The following TCF7L2 variants were observed in gnomAD, a reference collection of about 807,000 sequenced individuals.
The protein encoded by TCF7L2 is transcription factor 7 like 2, also known as transcription factor 7-like 2.
TCF7L2 carries 23 observed loss-of-function variants against 77.9 expected under a neutral mutation model. The ratio of observed to expected loss-of-function variants is 0.30; its 90% CI spans 0.21 to 0.42. The LOEUF is 0.42. TCF7L2 is among the 10% of genes least tolerant of loss of function. The probability of loss-of-function intolerance (pLI) is 1.00; values close to 1 mark genes in which losing one functional copy is unlikely to be tolerated. For synonymous variants in TCF7L2, 413 were observed against 340.2 expected (o/e 1.21, Z -2.36); for missense variants, 654 against 793.1 (o/e 0.82, Z 2.11).
chr10:113,142,405 G>C (rs2068538573), intron 6 of TCF7L2, among the ~76,000 whole-genome samples: 1 of 152,232 alleles, frequency 6.6e-6, no homozygotes, highest in South Asian at 2.1e-4. Context: ...CAGGCAGGCA[G>C]CCCCAGCAGC....
chr10:113,092,067 G>A (rs1028199058), intron 5 of TCF7L2, among the ~76,000 whole-genome samples: 1 of 152,198 alleles, frequency 6.6e-6, no homozygotes, highest in Non-Finnish European at 1.5e-5. Flanking sequence ...GCGGCAGGAG[G>A]TAGATAAAGG....
intron 5 of TCF7L2, among the ~76,000 whole-genome samples, chr10:113,096,511 AGT>A (rs996994658): frequency 6.6e-5 from 10 of 152,080 alleles, no homozygotes; most frequent in Non-Finnish European, 1.3e-4. Context: ...ACACCCATCC[AGT>A]GTTCTCTGTC....
chr10:113,039,897 A>G (rs1461982319), intron 4 of TCF7L2, 128 bp from the exon 5 acceptor site: 3 of 747,486 alleles, frequency 4.0e-6, no homozygotes, highest in Admixed American at 3.1e-5. Context: ...TATTTTTTTA[A>G]TGATTATTTG....
chr10:112,979,765 T>TA (rs75186647), intron 4 of TCF7L2, among the ~76,000 whole-genome samples: 29,695 of 137,278 alleles, frequency 0.22, 3,818 homozygotes, highest in Middle Eastern at 0.36. Flanking sequence ...CAAAAAAAAA[T>TA]AAAAAAAATA....
At chr10:112,976,627 T>C (rs193154341) in intron 4 of TCF7L2, among the ~76,000 whole-genome samples, 31 of 152,320 alleles carry the variant, frequency 2.0e-4, no homozygotes, top group African/African-American at 7.5e-4. Flanking sequence ...GGAAACAGTA[T>C]ATAAGTGAGA....
At chr10:113,018,293 T>A (rs1275513870) in intron 4 of TCF7L2, among the ~76,000 whole-genome samples, 4 of 152,094 alleles carry the variant, frequency 2.6e-5, no homozygotes, top group Non-Finnish European at 4.4e-5. Context: ...GCCCTGTTGT[T>A]CTCTGCTGCA....
chr10:113,015,674 G>T (rs1470925645), intron 4 of TCF7L2, among the ~76,000 whole-genome samples: 1 of 152,074 alleles, frequency 6.6e-6, no homozygotes, highest in African/African-American at 2.4e-5. Flanking sequence ...AGAGATGGGG[G>T]TCTCACTATG....
intron 8 of TCF7L2, among the ~76,000 whole-genome samples, chr10:113,148,892 G>A (rs1327329034): frequency 6.6e-6 from 1 of 152,090 alleles, no homozygotes; most frequent in African/African-American, 2.4e-5. Context: ...TTAGAAGTTT[G>A]TCTGCACCCC....
chr10:112,968,745 A>AT, intron 4 of TCF7L2, among the ~76,000 whole-genome samples: 1 of 151,892 alleles, frequency 6.6e-6, no homozygotes, highest in Admixed American at 6.6e-5. Context: ...CGTTCGGCTC[A>AT]TTTTTTTGTA....
intron 5 of TCF7L2, among the ~76,000 whole-genome samples, chr10:113,064,329 G>A (rs1041713575): frequency 4.6e-5 from 7 of 152,212 alleles, no homozygotes; most frequent in African/African-American, 1.4e-4. Flanking sequence ...GAAGGTTGGT[G>A]AACATGTAAA....
At chr10:112,969,674 C>T (rs145562931) in intron 4 of TCF7L2, among the ~76,000 whole-genome samples, 6 of 152,220 alleles carry the variant, frequency 3.9e-5, no homozygotes, top group Non-Finnish European at 8.8e-5. Flanking sequence ...TGATCAGAGG[C>T]CAATTGCCCA....
At chr10:113,075,402 T>C (rs2058577549) in intron 5 of TCF7L2, among the ~76,000 whole-genome samples, 1 of 151,356 alleles carries the variant, frequency 6.6e-6, no homozygotes, top group African/African-American at 2.4e-5. Context: ...GAGTTTACAG[T>C]GAGCTGAGAT....
At chr10:112,963,742 C>T (rs754950405) in intron 3 of TCF7L2, among the ~76,000 whole-genome samples, 6 of 152,138 alleles carry the variant, frequency 3.9e-5, no homozygotes, top group Admixed American at 6.5e-5. Flanking sequence ...CTTCCTATTT[C>T]GGGATACCTG....
chr10:112,976,066 G>A (rs978237175), intron 4 of TCF7L2, among the ~76,000 whole-genome samples: 5 of 152,232 alleles, frequency 3.3e-5, no homozygotes, highest in Non-Finnish European at 7.3e-5. Flanking sequence ...ATCTGGGTTT[G>A]AGTGTCGGCT....
intron 4 of TCF7L2, among the ~76,000 whole-genome samples, chr10:113,004,051 G>T (rs534032024): frequency 6.6e-6 from 1 of 152,224 alleles, no homozygotes; most frequent in Non-Finnish European, 1.5e-5. Context: ...AGAGCCCTAG[G>T]TAGCACAGGG....
chr10:112,983,287 C>T (rs528500420), intron 4 of TCF7L2, among the ~76,000 whole-genome samples: 16 of 151,840 alleles, frequency 1.1e-4, no homozygotes, highest in African/African-American at 2.7e-4. Context: ...CTGGCTAACA[C>T]GGTGAAACCC....
In TCF7L2 at chr10:113,151,542, C is replaced by T. The variant is rs1253825428; in HGVS notation, c.1002-183C>T. ...AAGTGATTGCAAAATCCCTCTCTTC[C>T]CCCAACCCCTCCCCAAGCTATTTTT... On this transcript the variant is annotated intron_variant, in intron 9 of 13. Coordinates refer to ENST00000627217, the MANE Select transcript of TCF7L2 (RefSeq NM_001146274.2). The surrounding 1 kb of genome is among the most constrained non-coding windows in gnomAD (Gnocchi z 5.2). 6.6e-6 allele frequency among the ~76,000 whole-genome samples: 1 copy of T among 152,108 alleles called. No individual in the cohort carries two copies. The highest frequency in any genetic ancestry group is 2.4e-5 in the African/African-American group (1 of 41,410).
rs1050923878 is a variant in TCF7L2, at chr10:113,166,759, T to C, written c.*787T>C. The C allele has an allele frequency of 1.7e-5, 4 of 228,746 alleles. No homozygotes were observed. The highest frequency in any genetic ancestry group is 6.6e-5 in the African/African-American group (3 of 45,146). The allele number at this position is 228,746 out of a possible 1,614,324, so 14.2% of individuals were successfully genotyped here. ...AAGCATCTTATATATAACAACTCATTTGTACAAGGTTTTTAAGTTTATATA... is the reference window on the plus strand; with the variant it reads ...AAGCATCTTATATATAACAACTCATCTGTACAAGGTTTTTAAGTTTATATA... On this transcript the variant is annotated 3_prime_UTR_variant, in exon 14 of 14. Transcript: ENST00000627217.
At chr10:112,994,973 G>T (rs1304845322) in intron 4 of TCF7L2, among the ~76,000 whole-genome samples, 1 of 152,064 alleles carries the variant, frequency 6.6e-6, no homozygotes, top group African/African-American at 2.4e-5. Context: ...GGTGGTGGGC[G>T]CCTGTAATCC....
Sources: gnomAD v4.1 joint callset for allele counts (sites outside exome capture counted in the v4.1 genomes callset) on GRCh38, gnomAD v4.1.1 for gene constraint, Gnocchi (gnomAD v3.1) non-coding constraint, MANE v1.5 for transcripts, NCBI Gene and HGNC (gene_info 2026-07-23, HGNC 2026-07-21) for gene names.